Variants in SYNPR observed in about 807,000 individuals in gnomAD.
The protein encoded by SYNPR is synaptoporin.
Under a neutral mutation model 32.9 loss-of-function variants are expected in SYNPR, and 23 were observed. That is an observed-to-expected ratio of 0.70 (90% confidence interval 0.50 to 0.99). SYNPR has a LOEUF of 0.99. Ranked by LOEUF, SYNPR falls within the 50% of genes least tolerant of loss-of-function variation. SYNPR has a pLI of 0.00. For missense variants in SYNPR, 318 were observed against 349.3 expected (o/e 0.91, Z 0.71); for synonymous variants, 146 against 135.9 (o/e 1.07, Z -0.52).
At chr3:63,240,408 A>G (rs2086231908) in intron 1 of SYNPR, among the ~76,000 whole-genome samples, 2 of 152,120 alleles carry the variant, frequency 1.3e-5, no homozygotes, top group African/African-American at 4.8e-5. Context: ...ATGTTACAGC[A>G]TTCCCTACAC....
intron 2 of SYNPR, among the ~76,000 whole-genome samples, chr3:63,301,165 A>G (rs1371607521): frequency 6.6e-6 from 1 of 152,092 alleles, no homozygotes; most frequent in African/African-American, 2.4e-5. Flanking sequence ...TCTTTCCTTC[A>G]TCATCTGTTA....
intron 4 of SYNPR, among the ~76,000 whole-genome samples, chr3:63,593,142 A>G (rs968072301): frequency 6.6e-5 from 10 of 152,166 alleles, no homozygotes; most frequent in African/African-American, 2.4e-4. Flanking sequence ...GGCTTAGCAC[A>G]GCACCTGACC....
chr3:63,519,614 T>C (rs1701867915), intron 3 of SYNPR, among the ~76,000 whole-genome samples: 2 of 152,174 alleles, frequency 1.3e-5, no homozygotes, highest in African/African-American at 2.4e-5. Context: ...AGAGTTCCCA[T>C]TGCCACTGAA....
At chr3:63,445,244 A>G (rs536577219) in intron 2 of SYNPR, among the ~76,000 whole-genome samples, 20 of 152,206 alleles carry the variant, frequency 1.3e-4, no homozygotes, top group Non-Finnish European at 2.4e-4. Flanking sequence ...TGCATTCTGC[A>G]TGTGAAAGTT....
chr3:63,489,012 T>A (rs1196331775), intron 3 of SYNPR, among the ~76,000 whole-genome samples: 1 of 152,068 alleles, frequency 6.6e-6, no homozygotes, highest in Admixed American at 6.5e-5. Context: ...TGATGGTGAA[T>A]TGGGTAGAAT....
At chr3:63,373,676 C>T (rs2087848154) in intron 2 of SYNPR, among the ~76,000 whole-genome samples, 1 of 152,104 alleles carries the variant, frequency 6.6e-6, no homozygotes, top group African/African-American at 2.4e-5. Flanking sequence ...TCTATGAAAA[C>T]TTCCCAACCT....
chr3:63,426,216 G>A (rs966861643), intron 2 of SYNPR, among the ~76,000 whole-genome samples: 1 of 152,204 alleles, frequency 6.6e-6, no homozygotes, highest in Non-Finnish European at 1.5e-5. Context: ...TTATATGCCT[G>A]TAAGTGGGGA....
chr3:63,479,286 C>T (rs566496623), intron 2 of SYNPR, among the ~76,000 whole-genome samples: 1 of 152,270 alleles, frequency 6.6e-6, no homozygotes, highest in South Asian at 2.1e-4. Context: ...TATTCGTTAA[C>T]ATTGATTGAG....
chr3:63,284,030 G>A (rs976649278), intron 2 of SYNPR, among the ~76,000 whole-genome samples: 3 of 151,884 alleles, frequency 2.0e-5, no homozygotes, highest in African/African-American at 7.3e-5. Flanking sequence ...GGATGGTCTC[G>A]ATCTCCTGAC....
chr3:63,574,271 C>T (rs1475808844), intron 4 of SYNPR, among the ~76,000 whole-genome samples: 1 of 152,154 alleles, frequency 6.6e-6, no homozygotes, highest in Non-Finnish European at 1.5e-5. Flanking sequence ...CACATTTAAA[C>T]TTTCCCATAG....
intron 2 of SYNPR, among the ~76,000 whole-genome samples, chr3:63,300,099 T>C (rs933312042): frequency 1.3e-5 from 2 of 152,118 alleles, no homozygotes; most frequent in African/African-American, 4.8e-5. Context: ...GGATATGTTT[T>C]TGATAATGGT....
At chr3:63,264,578 T>G (rs1171063640) in intron 2 of SYNPR, among the ~76,000 whole-genome samples, 1 of 152,174 alleles carries the variant, frequency 6.6e-6, no homozygotes, top group African/African-American at 2.4e-5. Context: ...AACTAAATGT[T>G]CAATAGGGCC....
intron 3 of SYNPR, among the ~76,000 whole-genome samples, chr3:63,499,246 G>A (rs1701432937): frequency 6.6e-6 from 1 of 152,144 alleles, no homozygotes; most frequent in Non-Finnish European, 1.5e-5. Flanking sequence ...AGGCAAAGAA[G>A]GAATGAAGTT....
chr3:63,335,111 T>G (rs2087272178), intron 2 of SYNPR, among the ~76,000 whole-genome samples: 1 of 152,080 alleles, frequency 6.6e-6, no homozygotes, highest in Admixed American at 6.5e-5. Context: ...TCCCAGCACT[T>G]TGGGAGGCCG....
chr3:63,232,446 G>A (rs533154898), intron 1 of SYNPR, among the ~76,000 whole-genome samples: 34 of 152,136 alleles, frequency 2.2e-4, no homozygotes, highest in South Asian at 1.5e-3. Flanking sequence ...CAAGTGATCC[G>A]CCTTCCTTGG....
chr3:63,472,780 C>CA, intron 2 of SYNPR, among the ~76,000 whole-genome samples: 1 of 152,062 alleles, frequency 6.6e-6, no homozygotes, highest in Non-Finnish European at 1.5e-5. Context: ...TTTTTTAATG[C>CA]CTCTCCCTTG....
At chr3:63,257,782 T>C (rs2086399761) in intron 2 of SYNPR, among the ~76,000 whole-genome samples, 2 of 152,078 alleles carry the variant, frequency 1.3e-5, no homozygotes, top group East Asian at 1.9e-4. Context: ...GTAAATTGGA[T>C]AAAGAGTCAA....
At chr3:63,491,558 T>G (rs970967943) in intron 3 of SYNPR, among the ~76,000 whole-genome samples, 1 of 152,300 alleles carries the variant, frequency 6.6e-6, no homozygotes, top group South Asian at 2.1e-4. Context: ...TCTTGCTCTG[T>G]CACCCAGGCT....
intron 2 of SYNPR, among the ~76,000 whole-genome samples, chr3:63,462,776 G>A (rs944094860): frequency 1.3e-5 from 2 of 152,142 alleles, no homozygotes; most frequent in Non-Finnish European, 2.9e-5. Context: ...GCATACTTCA[G>A]TGTGCATCCA....
Sources: allele counts gnomAD v4.1 joint callset (sites outside exome capture counted in the v4.1 genomes callset), GRCh38; gene constraint gnomAD v4.1.1; transcripts MANE v1.5; gene names NCBI Gene and HGNC (gene_info 2026-07-23, HGNC 2026-07-21).